The following ARHGAP17 variants were observed in gnomAD, a reference collection of about 807,000 sequenced individuals.
ARHGAP17 encodes rho GTPase-activating protein 17.
In ARHGAP17, 57 loss-of-function variants were observed where a neutral mutation model predicts 99.5. The ratio of observed to expected loss-of-function variants is 0.57; its 90% CI spans 0.46 to 0.71. The LOEUF (loss-of-function observed/expected upper bound fraction) is 0.71. Among genes scored for constraint, ARHGAP17 ranks in the 30% least tolerant of loss-of-function variants. ARHGAP17 has a pLI of 0.00. For missense variants in ARHGAP17, 1,000 were observed against 1,122.4 expected (o/e 0.89, Z 1.56); for synonymous variants, 417 against 429.6 (o/e 0.97, Z 0.36).
chr16:24,931,156 G>C lies in ARHGAP17; in HGVS notation c.2143C>G (p.Pro715Ala). The C allele has an allele frequency of 6.3e-7, 1 of 1,599,992 alleles. No individual in the cohort carries two copies. The change falls in exon 19 of 20, where the codon CCG becomes GCG. Residue 715 changes from proline (P) to alanine (A), a missense_variant. Pro to Ala is a conservative substitution (Grantham distance 27, BLOSUM62 -1). Transcript: ENST00000289968. The stretch of plus-strand genomic sequence containing the variant: ...GTGGCCTGCGTAGGGGGCTGCGGCG[G>C]TGGGTGATTGGGAGCTTGGATTGGA... ...LSPIQAPNHP[P>A]PQPPTQATPL...
At chr16:25,011,232 C>T (rs1288688149) in intron 1 of ARHGAP17, among the ~76,000 whole-genome samples, 1 of 152,192 alleles carries the variant, frequency 6.6e-6, no homozygotes, top group East Asian at 1.9e-4. Flanking sequence ...ACCATCCACT[C>T]TCAGTCCATA....
rs189244889 is a variant in ARHGAP17 at position 25,005,405 on chromosome 16, A to G, written c.53+9804T>C. Among the ~76,000 whole-genome samples, 335 of 152,334 alleles carry G rather than the reference A, an allele frequency of 2.2e-3. 1 individual carries two copies. Among genetic ancestry groups the G allele is most frequent in the African/African-American group, 7.7e-3 (322 of 41,578 alleles). Reference sequence around the variant, plus strand: ...GGTTTCATCACTGTATCTGTTGAGGAACATATCTATGAACAAGAATGCTAA... The same window carrying G: ...GGTTTCATCACTGTATCTGTTGAGGGACATATCTATGAACAAGAATGCTAA... On this transcript the variant is annotated intron_variant, in intron 1 of 19. Transcript: ENST00000289968.
Position 24,959,733 on chromosome 16 carries a change from T to A in ARHGAP17, c.662A>T (p.Asp221Val), listed in dbSNP as rs1373517997. 1 of 1,613,996 alleles carries A rather than the reference T, an allele frequency of 6.2e-7. No homozygotes were observed. Among genetic ancestry groups the A allele is most frequent in the South Asian group, 1.1e-5 (1 of 91,090 alleles). ...GACTGCTAATGCTTTTCTATGGTAA[T>A]CTGCTTGGGCTTCTAATAACTGAGA... Reference protein sequence around the residue: ...FFVTLLEAQADYHRKALAVLE... With the variant: ...FFVTLLEAQAVYHRKALAVLE... The change falls in exon 9 of 20, where the codon GAT becomes GTT. Residue 221 changes from aspartate (D) to valine (V), a missense_variant. By Grantham distance (152) the Asp-to-Val change is radical. Around this residue, in one of 2 missense-constraint regions of ARHGAP17, gnomAD observed 472 missense variants for 611.1 expected, o/e 0.77. Transcript: ENST00000289968.
intron 3 of ARHGAP17, among the ~76,000 whole-genome samples, chr16:24,974,623 T>C (rs923934734): frequency 1.7e-4 from 26 of 151,884 alleles, no homozygotes; most frequent in African/African-American, 6.3e-4. Flanking sequence ...ATAGGGTTGA[T>C]TTGTGTTTCA....
chr16:24,992,257 A>G (rs973371939), intron 1 of ARHGAP17, among the ~76,000 whole-genome samples: 1 of 152,214 alleles, frequency 6.6e-6, no homozygotes, highest in Non-Finnish European at 1.5e-5. Context: ...CCCTCTGTGG[A>G]TATCTAGACG....
At chr16:24,982,633 G>A (rs1172654659) in intron 1 of ARHGAP17, among the ~76,000 whole-genome samples, 1 of 151,996 alleles carries the variant, frequency 6.6e-6, no homozygotes, top group African/African-American at 2.4e-5. Flanking sequence ...TGGTCCAAAT[G>A]ACCTGATCTC....
chr16:24,945,579 C>T (rs1179183916), intron 14 of ARHGAP17, among the ~76,000 whole-genome samples: 1 of 152,112 alleles, frequency 6.6e-6, no homozygotes, highest in Non-Finnish European at 1.5e-5. Flanking sequence ...TGCCTCAAAC[C>T]TCTCCTCTCC....
rs2053241235 is a variant in ARHGAP17, at chr16:24,997,829, G to A, written c.53+17380C>T. Among the ~76,000 whole-genome samples the A allele has an allele frequency of 2.0e-5, 3 of 152,220 alleles. No individual in the cohort carries two copies. The South Asian group carries it at 6.2e-4, about 32-fold the overall frequency. On this transcript the variant is annotated intron_variant, in intron 1 of 19. Transcript: ENST00000289968. ...TGAAGGTACAATGAGGTCAGCTCTG[G>A]AAATGCTGGGTGAAGGGACCTGTTG...
intron 1 of ARHGAP17, among the ~76,000 whole-genome samples, chr16:24,989,801 C>CA (rs141105381): frequency 0.057 from 8,584 of 151,060 alleles, 338 homozygotes; most frequent in Middle Eastern, 0.13. Context: ...ATGTGGGAGC[C>CA]AAAAAAAATA....
intron 18 of ARHGAP17, among the ~76,000 whole-genome samples, chr16:24,935,177 C>T (rs2152452389): frequency 6.6e-6 from 1 of 152,224 alleles, no homozygotes; most frequent in South Asian, 2.1e-4. Context: ...CTGTGGTAGT[C>T]TCCAAACAGA....
At chr16:24,987,629 G>A (rs1223624051) in intron 1 of ARHGAP17, among the ~76,000 whole-genome samples, 1 of 151,942 alleles carries the variant, frequency 6.6e-6, no homozygotes, top group Non-Finnish European at 1.5e-5. Context: ...CCCAACCCAA[G>A]GATGGCAAAT....
chr16:25,011,102 A>G (rs2053632398), intron 1 of ARHGAP17, among the ~76,000 whole-genome samples: 1 of 152,200 alleles, frequency 6.6e-6, no homozygotes, highest in African/African-American at 2.4e-5. Flanking sequence ...TCATCTCCCC[A>G]AAAACACCAT....
chr16:24,920,253 A>C lies in ARHGAP17; in HGVS notation c.2523T>G (p.Asn841Lys), dbSNP rs2050685790. The change falls in exon 20 of 20, where the codon AAT (asparagine) becomes AAG (lysine). Residue 841 changes from asparagine to lysine, a missense_variant. Asn to Lys is a moderately conservative substitution (Grantham distance 94). Coordinates refer to ENST00000289968, the MANE Select transcript of ARHGAP17 (RefSeq NM_001006634.3). ...TGCGATGCGGTTCTGAAACCCTGGA[A>C]TTGGAGTCTGGACAAAAACACGAGG... The part of the protein sequence containing the change: ...PTASKIVTDS[N>K]SRVSEPHRSI... The C allele has an allele frequency of 6.2e-7, 1 of 1,613,758 alleles. No individual in the cohort carries two copies. The highest frequency in any genetic ancestry group is 1.1e-5 in the South Asian group (1 of 91,076).
chr16:25,007,467 G>A (rs1278013118), intron 1 of ARHGAP17, among the ~76,000 whole-genome samples: 1 of 152,166 alleles, frequency 6.6e-6, no homozygotes, highest in Non-Finnish European at 1.5e-5. Flanking sequence ...CCAGGCTCAA[G>A]CGATCCTCCC....
At chr16:24,951,171 G>C (rs1411444107) in intron 12 of ARHGAP17, among the ~76,000 whole-genome samples, 1 of 152,176 alleles carries the variant, frequency 6.6e-6, no homozygotes, top group African/African-American at 2.4e-5. Flanking sequence ...AAAATCATCT[G>C]TTCCTAGACA....
chr16:24,954,498 G>A, intron 10 of ARHGAP17, 105 bp downstream of exon 10: 1 of 1,454,698 alleles, frequency 6.9e-7, no homozygotes, highest in Non-Finnish European at 9.2e-7. Context: ...GACAATGGCT[G>A]TATAACTAAG....
In ARHGAP17 at chr16:24,968,334, C is replaced by G. The variant is rs2052253613; in HGVS notation, c.461+17G>C. The G allele has an allele frequency of 1.9e-6, 3 of 1,613,520 alleles. No homozygotes were observed. In the African/African-American group the frequency reaches 4.0e-5, roughly 22 times the overall value. On this transcript the variant is annotated intron_variant, in intron 6 of 19. Transcript: ENST00000289968. ...GGGAATGGGACACAATGCTGCATTGCTGGCTCAAGCTGTTACCTGGCTCTG... is the reference window on the plus strand; with the variant it reads ...GGGAATGGGACACAATGCTGCATTGGTGGCTCAAGCTGTTACCTGGCTCTG...
chr16:24,922,684 T>A lies in ARHGAP17; in HGVS notation c.2516-2424A>T, dbSNP rs577974827. Among the ~76,000 whole-genome samples, 560 of 150,156 alleles carry A rather than the reference T, an allele frequency of 3.7e-3. 5 individuals carry two copies. The highest frequency in any genetic ancestry group is 6.8e-3 in the Middle Eastern group (2 of 292). On this transcript the variant is annotated intron_variant, in intron 19 of 19. Transcript: ENST00000289968. ...CAGTAGCTAACATTAAAAAAAAAAA[T>A]TTTTTTTTTGAGATGGGGTCTTGCT...
chr16:24,933,622 A>T (rs1397095095), intron 18 of ARHGAP17, among the ~76,000 whole-genome samples: 1 of 151,402 alleles, frequency 6.6e-6, no homozygotes, highest in Non-Finnish European at 1.5e-5. Context: ...ATCGGCATTT[A>T]AAAAAAAAGT....
Sources: gnomAD v4.1 joint callset for allele counts (sites outside exome capture counted in the v4.1 genomes callset) on GRCh38, gnomAD v4.1.1 for gene constraint, gnomAD v4.1.1 regional missense constraint, MANE v1.5 for transcripts, NCBI Gene and HGNC (gene_info 2026-07-23, HGNC 2026-07-21) for gene names.